The following NCAPD2 variants were observed in gnomAD, a reference collection of about 807,000 sequenced individuals.
NCAPD2 encodes the protein non-SMC condensin I complex subunit D2.
A neutral mutation model predicts 164.5 loss-of-function variants in NCAPD2; 100 were observed. The observed-to-expected ratio is 0.61, with a 90% CI of 0.52 to 0.72. NCAPD2 has a LOEUF of 0.72. Ranked by LOEUF, NCAPD2 falls within the 30% of genes least tolerant of loss-of-function variation. NCAPD2 has a pLI of 0.00. For missense variants in NCAPD2, 1,560 were observed against 1,749.2 expected (o/e 0.89, Z 1.93); for synonymous variants, 585 against 642.6 (o/e 0.91, Z 1.36).
chr12:6,526,101 C>T lies in NCAPD2; in HGVS notation c.2382C>T (p.Asp794=). The T allele has an allele frequency of 6.8e-6, 11 of 1,614,150 alleles. No homozygotes were observed. Among genetic ancestry groups the T allele is most frequent in the Non-Finnish European group, 9.3e-6 (11 of 1,180,054 alleles). ...GKPEIVGSNL[D]TLVSIGLDEK... Reference sequence around the variant, plus strand: ...CAGAAATTGTGGGAAGCAATTTAGACACACTGGTGAGCATAGGGCTGGATG... The same window carrying T: ...CAGAAATTGTGGGAAGCAATTTAGATACACTGGTGAGCATAGGGCTGGATG... The change falls in exon 19 of 32, where the codon GAC becomes GAT. Residue 794 remains aspartate (D), a synonymous_variant. Coordinates refer to ENST00000315579, the MANE Select transcript of NCAPD2 (RefSeq NM_014865.4).
In NCAPD2 at chr12:6,531,375, C is replaced by G. The variant is rs140130874; in HGVS notation, c.4169C>G (p.Pro1390Arg). ...TEDETPKKTTPILRASARRHR... is the reference protein window; with the variant it reads ...TEDETPKKTTRILRASARRHR... Reference sequence around the variant, plus strand: ...GACGAGACACCCAAGAAAACAACTCCCATTCTCAGAGCATCGGCTCGCAGG... The same window carrying G: ...GACGAGACACCCAAGAAAACAACTCGCATTCTCAGAGCATCGGCTCGCAGG... Residue 1390 changes from proline to arginine, a missense_variant, in exon 32 of 32, where the codon CCC becomes CGC. Transcript: ENST00000315579. The surrounding 1 kb of genome is among the most constrained non-coding windows in gnomAD (Gnocchi z 4.1). The G allele has an allele frequency of 1.2e-6, 2 of 1,613,928 alleles. No homozygotes were observed. Among genetic ancestry groups the G allele is most frequent in the Non-Finnish European group, 1.7e-6 (2 of 1,180,020 alleles).
At chr12:6,519,994 C>T (rs1437062725) in intron 13 of NCAPD2, among the ~76,000 whole-genome samples, 2 of 151,990 alleles carry the variant, frequency 1.3e-5, no homozygotes, top group East Asian at 1.9e-4. Flanking sequence ...GCCAACGTGG[C>T]GAAATGGCGA....
chr12:6,522,788 T>C lies in NCAPD2; in HGVS notation c.1955-40T>C, dbSNP rs377000783. On this transcript the variant is annotated intron_variant, in intron 15 of 31. Transcript: ENST00000315579. ...TCTGTCGTTAGGTATTGGGGGAGTTTTGTGAAGTAGATAGGTGACATTTGT... is the reference window on the plus strand; with the variant it reads ...TCTGTCGTTAGGTATTGGGGGAGTTCTGTGAAGTAGATAGGTGACATTTGT... 3.4e-5 allele frequency: 54 copies of C among 1,601,686 alleles called. No individual in the cohort carries two copies. In the African/African-American group the frequency reaches 6.7e-4, roughly 20 times the overall value.
intron 13 of NCAPD2, among the ~76,000 whole-genome samples, chr12:6,519,697 TC>T (rs1946246826): frequency 1.3e-5 from 2 of 152,152 alleles, no homozygotes; most frequent in Admixed American, 1.3e-4. Flanking sequence ...ACTATGTGTC[TC>T]AGTGGTTTTT....
intron 17 of NCAPD2, 49 bp downstream of exon 17, chr12:6,523,395 G>GT (rs764714038): frequency 5.8e-4 from 505 of 863,694 alleles, no homozygotes; most frequent in Admixed American, 1.6e-3. Flanking sequence ...AAGTATTTTG[G>GT]TTGTTTTTTT....
intron 2 of NCAPD2, among the ~76,000 whole-genome samples, chr12:6,497,706 G>A (rs760383271): frequency 2.0e-5 from 3 of 149,716 alleles, no homozygotes; most frequent in South Asian, 2.1e-4. Context: ...TGCAGCCTCC[G>A]CCTCCCGAGT....
Position 6,521,902 on chromosome 12 carries a change from GA to G in NCAPD2, c.1821del (p.Glu607AspfsTer8). On this transcript the variant is annotated frameshift_variant, in exon 15 of 32. Coordinates refer to ENST00000315579, the MANE Select transcript of NCAPD2 (RefSeq NM_014865.4). LOFTEE classifies it high-confidence loss of function. ...KNKPNMSDPE[E>X]SRGNDELVKQ... ...TAAACCCAATATGTCGGATCCTGAG[GA>G]ATCCAGGGGAAATGATGAACTAGTG... 1 of 1,614,116 alleles carries G rather than the reference GA, an allele frequency of 6.2e-7. No individual in the cohort carries two copies. The highest frequency in any genetic ancestry group is 8.5e-7 in the Non-Finnish European group (1 of 1,180,030).
chr12:6,529,428 TGCTGGGGGAGG>T, intron 27 of NCAPD2, 74 bp from the exon 28 acceptor site: 1 of 1,198,574 alleles, frequency 8.3e-7, no homozygotes, highest in Non-Finnish European at 1.2e-6. Context: ...AGAAGACGAG[TGCTGGGGGAGG>T]GTCCAGGGTT....
chr12:6,496,185 A>G (rs759443921), intron 2 of NCAPD2, among the ~76,000 whole-genome samples: 3 of 151,508 alleles, frequency 2.0e-5, no homozygotes, highest in African/African-American at 4.8e-5. Context: ...CAGCCTCCCA[A>G]GTAGCTAGGA....
chr12:6,522,321 C>T (rs1946271602), intron 15 of NCAPD2, among the ~76,000 whole-genome samples: 1 of 148,260 alleles, frequency 6.7e-6, no homozygotes, highest in African/African-American at 2.5e-5. Flanking sequence ...CGCGATGGCT[C>T]ATGCCTGTAA....
chr12:6,523,001 A>G lies in NCAPD2; in HGVS notation c.2128A>G (p.Arg710Gly). 1 of 1,614,118 alleles carries G rather than the reference A, an allele frequency of 6.2e-7. No homozygotes were observed. The highest frequency in any genetic ancestry group is 8.5e-7 in the Non-Finnish European group (1 of 1,179,990). ...LYLNPKGDSA[R>G]AKAQALIQNL... ...CCTCAACCCCAAAGGGGACTCTGCC[A>G]GGTATATGGGGTGCTTTTGCCTTTG... Residue 710 changes from arginine to glycine, a missense_variant and splice_region_variant, in exon 16 of 32, where the codon AGA becomes GGA. Transcript: ENST00000315579.
Position 6,526,428 on chromosome 12 carries a change from T to G in NCAPD2, c.2567-20T>G. The G allele has an allele frequency of 6.2e-7, 1 of 1,614,138 alleles. No homozygotes were observed. The highest frequency in any genetic ancestry group is 8.5e-7 in the Non-Finnish European group (1 of 1,180,016). On this transcript the variant is annotated intron_variant, in intron 20 of 31. Coordinates refer to ENST00000315579, the MANE Select transcript of NCAPD2 (RefSeq NM_014865.4). ...TGGGCCCTTTGTTGCAGTAAACAAC[T>G]TCTCCCTCCTCCTCTGCAGGCTTTG...
intron 17 of NCAPD2, among the ~76,000 whole-genome samples, chr12:6,524,648 C>CAAAAAAAAAA (rs35443041): frequency 1.5e-5 from 1 of 66,582 alleles, no homozygotes; most frequent in African/African-American, 5.4e-5. Context: ...GACTCTGTCT[C>CAAAAAAAAAA]AAAAAAAAAA....
intron 17 of NCAPD2, 132 bp from the exon 18 acceptor site, chr12:6,525,451 T>C (rs2137058870): frequency 9.5e-7 from 1 of 1,053,584 alleles, no homozygotes; most frequent in African/African-American, 1.6e-5. Flanking sequence ...ATTTTGAACC[T>C]CCTCTTTTCT....
At position 6,518,504 on chromosome 12, in the gene NCAPD2, GTTTTTTTTTTT is replaced by G. The variant is rs56183938; in HGVS notation, c.1589+565_1589+575del. Reference sequence around the variant, plus strand: ...CAAAAGCCCTTACAGCCGTCAACAAGTTTTTTTTTTTTTTTTTTTTTTTTTTTTTTGAGATG... The same window carrying G: ...CAAAAGCCCTTACAGCCGTCAACAAGTTTTTTTTTTTTTTTTTTTGAGATG... On this transcript the variant is annotated intron_variant, in intron 13 of 31. Transcript: ENST00000315579. Among the ~76,000 whole-genome samples the G allele has an allele frequency of 1.2e-3, 55 of 44,780 alleles. 2 individuals are homozygous for G. Among genetic ancestry groups the G allele is most frequent in the African/African-American group, 5.0e-3 (49 of 9,798 alleles). 29.4% of individuals were successfully genotyped at this position (44,780 alleles called of 152,430 possible).
intron 20 of NCAPD2, 29 bp downstream of exon 20, chr12:6,526,400 A>AT: frequency 6.2e-7 from 1 of 1,614,052 alleles, no homozygotes; most frequent in Non-Finnish European, 8.5e-7. Flanking sequence ...CCTTGGGCAG[A>AT]ATTGGGCCCT....
At chr12:6,518,514 T>TTTTTG (rs1946230445) in intron 13 of NCAPD2, among the ~76,000 whole-genome samples, 1 of 107,096 alleles carries the variant, frequency 9.3e-6, no homozygotes, top group Non-Finnish European at 1.9e-5. Flanking sequence ...GTTTTTTTTT[T>TTTTTG]TTTTTTTTTT....
rs1946339240 is a variant in NCAPD2, at chr12:6,528,581, G to A, written c.3300-98G>A. 7.2e-7 allele frequency: 1 copy of A among 1,380,464 alleles called. No individual in the cohort carries two copies. The highest frequency in any genetic ancestry group is 1.0e-6 in the Non-Finnish European group (1 of 1,003,530). 85.5% of individuals were successfully genotyped at this position (1,380,464 alleles called of 1,614,324 possible). A position where few individuals can be genotyped will look rare whatever the true frequency, so the allele number is the denominator to read the frequency against. On this transcript the variant is annotated intron_variant, in intron 25 of 31. Coordinates refer to ENST00000315579, the MANE Select transcript of NCAPD2 (RefSeq NM_014865.4). This position sits in a 1 kb window ranked among gnomAD's most constrained non-coding sequence, Gnocchi z 5.1. ...CTTTCTGACTGCTTCTGGAGTGGCA[G>A]AGCATGGGATAATTGATTCCTGCTG...
intron 1 of NCAPD2, 142 bp from the exon 2 acceptor site, chr12:6,494,934 G>A: frequency 1.4e-6 from 1 of 731,292 alleles, no homozygotes; most frequent in South Asian, 1.9e-5. Flanking sequence ...TGGGGGTGGG[G>A]AACTAACAAA....
Sources: allele counts gnomAD v4.1 joint callset (sites outside exome capture counted in the v4.1 genomes callset), GRCh38; gene constraint gnomAD v4.1.1; non-coding constraint Gnocchi (gnomAD v3.1); transcripts MANE v1.5; gene names NCBI Gene and HGNC (gene_info 2026-07-23, HGNC 2026-07-21).